The following CCDC3 variants were observed in gnomAD, a reference collection of about 807,000 sequenced individuals.
CCDC3 encodes coiled-coil domain-containing protein 3.
CCDC3 carries 24 observed loss-of-function variants against 21.4 expected under a neutral mutation model. The ratio of observed to expected loss-of-function variants is 1.12; its 90% CI spans 0.81 to 1.58. The LOEUF (loss-of-function observed/expected upper bound fraction) is 1.58, where lower values mean the gene tolerates loss of function less well. Ranked by LOEUF, CCDC3 falls within the 40% of genes most tolerant of loss-of-function variation. CCDC3 has a pLI of 0.00. For synonymous variants in CCDC3, 186 were observed against 166.0 expected (o/e 1.12, Z -0.93); for missense variants, 425 against 360.9 (o/e 1.18, Z -1.44).
intron 2 of CCDC3, among the ~76,000 whole-genome samples, chr10:12,961,433 C>T (rs536900074): frequency 2.0e-5 from 3 of 152,148 alleles, no homozygotes; most frequent in African/African-American, 7.2e-5. Flanking sequence ...AAATAACATT[C>T]GGGGTGGAGG....
At chr10:12,972,893 G>A (rs780228248) in intron 2 of CCDC3, among the ~76,000 whole-genome samples, 1 of 152,220 alleles carries the variant, frequency 6.6e-6, no homozygotes. Flanking sequence ...GAGAACTGCA[G>A]TGATGTAGTA....
chr10:12,949,663 C>T (rs746780266), intron 2 of CCDC3, among the ~76,000 whole-genome samples: 3 of 152,222 alleles, frequency 2.0e-5, no homozygotes, highest in Non-Finnish European at 4.4e-5. Context: ...AAATTATAAT[C>T]GCAGGTTCAC....
chr10:12,966,956 C>T (rs570210250), intron 2 of CCDC3, among the ~76,000 whole-genome samples: 214 of 152,284 alleles, frequency 1.4e-3, no homozygotes, highest in Middle Eastern at 0.014. Flanking sequence ...CTATTTTAAA[C>T]GAACTGTCCA....
intron 2 of CCDC3, among the ~76,000 whole-genome samples, chr10:12,969,627 GT>G (rs1351756054): frequency 6.7e-6 from 1 of 150,096 alleles, no homozygotes; most frequent in Non-Finnish European, 1.5e-5. Context: ...GATAAAAAAA[GT>G]TTTTTTATAT....
intron 2 of CCDC3, among the ~76,000 whole-genome samples, chr10:12,935,084 G>C (rs1258791167): frequency 6.6e-6 from 1 of 151,940 alleles, no homozygotes; most frequent in East Asian, 1.9e-4. Flanking sequence ...AAGAGATAGG[G>C]TCTTGCTATG....
intron 2 of CCDC3, among the ~76,000 whole-genome samples, chr10:12,955,496 T>G (rs1835069447): frequency 1.3e-5 from 2 of 152,094 alleles, no homozygotes; most frequent in Admixed American, 1.3e-4. Context: ...GGAGGCAAAT[T>G]CCAACTCAGA....
chr10:13,047,287 A>G lies in CCDC3; in HGVS notation c.-2+2387T>C, dbSNP rs115313531. ...CCCAAATTTGAAGCCCATGGGTTTG[A>G]AAAGTCCCCATTAAACTGGTAGGTG... On this transcript the variant is annotated intron_variant, in intron 5 of 6. Transcript: ENST00000378839. Among the ~76,000 whole-genome samples, 405 of 152,304 alleles carry G rather than the reference A, an allele frequency of 2.7e-3. 2 individuals are homozygous for G. Among genetic ancestry groups the G allele is most frequent in the African/African-American group, 9.4e-3 (390 of 41,560 alleles).
At chr10:12,916,601 C>G (rs996571755) in intron 2 of CCDC3, among the ~76,000 whole-genome samples, 8 of 138,228 alleles carry the variant, frequency 5.8e-5, no homozygotes, top group African/African-American at 2.2e-4. Flanking sequence ...GCCTGGGTGA[C>G]AGAGAGAGAC....
chr10:12,984,560 C>T (rs1280955549), intron 2 of CCDC3, among the ~76,000 whole-genome samples: 1 of 152,172 alleles, frequency 6.6e-6, no homozygotes, highest in Non-Finnish European at 1.5e-5. Flanking sequence ...TAGTTAGTTA[C>T]ACACCCATGA....
At chr10:12,933,454 C>A (rs1369348464) in intron 2 of CCDC3, among the ~76,000 whole-genome samples, 4 of 115,830 alleles carry the variant, frequency 3.5e-5, no homozygotes, top group African/African-American at 9.5e-5. Flanking sequence ...ATAATATTCC[C>A]TTTATTTTTT....
chr10:12,900,308 C>T (rs966872795), intron 2 of CCDC3, among the ~76,000 whole-genome samples: 2 of 152,044 alleles, frequency 1.3e-5, no homozygotes, highest in African/African-American at 4.8e-5. Flanking sequence ...TTTCTCCTTT[C>T]TCCCATTTTA....
At chr10:12,973,882 A>G (rs1835377950) in intron 2 of CCDC3, among the ~76,000 whole-genome samples, 1 of 151,840 alleles carries the variant, frequency 6.6e-6, no homozygotes, top group Non-Finnish European at 1.5e-5. Context: ...AGCATTTGAG[A>G]AGGCATTAGG....
chr10:13,055,770 C>T (rs1181059198), intron 4 of CCDC3, among the ~76,000 whole-genome samples: 2 of 152,218 alleles, frequency 1.3e-5, no homozygotes, highest in Non-Finnish European at 2.9e-5. Flanking sequence ...TTCCTGGTTA[C>T]CTGCTTTACT....
chr10:13,038,437 G>A (rs987271233), intron 5 of CCDC3, among the ~76,000 whole-genome samples: 18 of 150,948 alleles, frequency 1.2e-4, no homozygotes, highest in Non-Finnish European at 2.1e-4. Context: ...TCAGCAAAGA[G>A]AAAGAGCAGC....
upstream of CCDC3, among the ~76,000 whole-genome samples, chr10:13,006,175 G>A (rs1306559701): frequency 2.0e-5 from 3 of 152,242 alleles, no homozygotes; most frequent in Non-Finnish European, 4.4e-5. Context: ...CAGAATAAAT[G>A]TGATAGAGAG....
At chr10:12,971,751 T>C (rs1458400336) in intron 2 of CCDC3, among the ~76,000 whole-genome samples, 1 of 152,134 alleles carries the variant, frequency 6.6e-6, no homozygotes, top group African/African-American at 2.4e-5. Context: ...AGTGGCGCAA[T>C]CTCAGCTCAC....
At position 12,945,417 on chromosome 10, in the gene CCDC3, GA is replaced by G. The variant is rs1020469868; in HGVS notation, c.550-46739del. ...TCCACAGTGAGAAAAAAAGTATAGG[GA>G]AAAAAAAAACCCCGAATGGATATAA... On this transcript the variant is annotated intron_variant, in intron 2 of 2. Coordinates refer to ENST00000378825, the MANE Select transcript of CCDC3 (RefSeq NM_031455.4). 7.9e-4 allele frequency among the ~76,000 whole-genome samples: 117 copies of G among 147,386 alleles called. 1 individual carries two copies. The highest frequency in any genetic ancestry group is 3.5e-3 in the Middle Eastern group (1 of 286).
chr10:13,078,916 C>T (rs186518920), intron 3 of CCDC3, among the ~76,000 whole-genome samples: 195 of 151,986 alleles, frequency 1.3e-3, no homozygotes, highest in Non-Finnish European at 1.5e-3. Flanking sequence ...ATGTAAATGA[C>T]GAGTTAATGG....
At chr10:12,912,297 G>C (rs1400583160) in intron 2 of CCDC3, among the ~76,000 whole-genome samples, 1 of 152,094 alleles carries the variant, frequency 6.6e-6, no homozygotes, top group African/African-American at 2.4e-5. Context: ...CTTATCTTTT[G>C]TCTTTTTGGT....
Sources: gnomAD v4.1 joint callset for allele counts (sites outside exome capture counted in the v4.1 genomes callset) on GRCh38, gnomAD v4.1.1 for gene constraint, MANE v1.5 for transcripts, NCBI Gene and HGNC (gene_info 2026-07-23, HGNC 2026-07-21) for gene names.